Variants in ATRX observed in about 807,000 individuals in gnomAD.
ATRX encodes chromatin remodeler ATRX.
Under a neutral mutation model 172.6 loss-of-function variants are expected in ATRX, and 12 were observed. That is an observed-to-expected ratio of 0.07 (90% CI 0.04 to 0.11). The LOEUF (loss-of-function observed/expected upper bound fraction) is 0.11. ATRX is among the 10% of genes least tolerant of loss of function. The pLI, the probability that ATRX is intolerant of heterozygous loss-of-function variation, is 1.00. For missense variants in ATRX, 1,368 were observed against 1,767.4 expected (o/e 0.77, Z 4.05); for synonymous variants, 674 against 594.7 (o/e 1.13, Z -1.94).
At chrX:77,760,474 G>T (rs1168110898) in intron 1 of ATRX, among the ~76,000 whole-genome samples, 3 of 69,220 alleles carry the variant, frequency 4.3e-5, no homozygotes, top group Admixed American at 1.8e-4. Flanking sequence ...GGGGTGGGGG[G>T]AGGGGGGAGG....
At position 77,696,493 on chromosome X, in the gene ATRX, A is replaced by G. The variant is rs782197267; in HGVS notation, c.370+84T>C. Reference sequence around the variant, plus strand: ...ATGTTTGGTCGTTTGTACATAGTTAACAGTAATCAAGTTCCAATTTTATAA... The same window carrying G: ...ATGTTTGGTCGTTTGTACATAGTTAGCAGTAATCAAGTTCCAATTTTATAA... On this transcript the variant is annotated intron_variant, in intron 5 of 34. Transcript: ENST00000373344. The G allele has an allele frequency of 1.5e-5, 15 of 1,023,645 alleles. No homozygotes were observed. In the South Asian group the frequency reaches 2.9e-4, roughly 20 times the overall value. The allele number at this position is 1,023,645 out of a possible 1,213,427, so 84.4% of individuals were successfully genotyped here.
At chrX:77,694,140 T>C (rs782465588) in intron 5 of ATRX, among the ~76,000 whole-genome samples, 14 of 112,047 alleles carry the variant, frequency 1.2e-4, no homozygotes, top group Non-Finnish European at 1.9e-4. Context: ...TGTTGAAATA[T>C]AGTTCATAAA....
At chrX:77,737,196 G>A (rs782053147) in intron 1 of ATRX, among the ~76,000 whole-genome samples, 3 of 110,405 alleles carry the variant, frequency 2.7e-5, no homozygotes, top group East Asian at 2.9e-4. Flanking sequence ...AGGCCGCGGC[G>A]GGCGAACCAC....
intron 1 of ATRX, among the ~76,000 whole-genome samples, chrX:77,742,821 A>C (rs2074929616): frequency 9.0e-6 from 1 of 111,668 alleles, no homozygotes; most frequent in African/African-American, 3.3e-5. Context: ...AATCTAATTA[A>C]TTTAGGGAAT....
chrX:77,682,735 T>C lies in ATRX; in HGVS notation c.2521A>G (p.Ile841Val), dbSNP rs781978542. 9.1e-6 allele frequency: 11 copies of C among 1,208,344 alleles called. No homozygotes were observed. Among genetic ancestry groups the C allele is most frequent in the Non-Finnish European group, 1.1e-5 (10 of 894,872 alleles). The change falls in exon 9 of 35, where the codon ATT (isoleucine) becomes GTT (valine). Residue 841 changes from isoleucine (I) to valine (V), a missense_variant. Physicochemically the swap from Ile to Val is conservative, Grantham distance 29. Around this residue, in one of 17 missense-constraint regions of ATRX, gnomAD observed 843 missense variants for 643.1 expected, o/e 1.31. Coordinates refer to ENST00000373344, the MANE Select transcript of ATRX (RefSeq NM_000489.6). ...IGAARTTKKR[I>V]PNTKDFDSSE... ...GAGTCAAAATCTTTTGTATTTGGAATTCTTTTTTTGGTGGTTCTGGCAGCA... is the reference window on the plus strand; with the variant it reads ...GAGTCAAAATCTTTTGTATTTGGAACTCTTTTTTTGGTGGTTCTGGCAGCA...
chrX:77,737,700 G>A (rs1459991037), intron 1 of ATRX, among the ~76,000 whole-genome samples: 1 of 110,305 alleles, frequency 9.1e-6, no homozygotes, highest in Non-Finnish European at 1.9e-5. Flanking sequence ...GCCTGTCTCA[G>A]AATCTCATAA....
chrX:77,585,684 A>ACATATCTG (rs1469628861), intron 27 of ATRX, among the ~76,000 whole-genome samples: 1 of 106,065 alleles, frequency 9.4e-6, no homozygotes, highest in East Asian at 2.9e-4. Context: ...TATATCGAAG[A>ACATATCTG]CATATCTGCA....
intron 34 of ATRX, among the ~76,000 whole-genome samples, chrX:77,516,042 T>C (rs1026307422): frequency 9.0e-6 from 1 of 111,054 alleles, no homozygotes; most frequent in Non-Finnish European, 1.9e-5. Flanking sequence ...CATGAACACA[T>C]AGAGGGCAAT....
intron 15 of ATRX, among the ~76,000 whole-genome samples, chrX:77,637,223 C>T (rs929643124): frequency 6.3e-5 from 7 of 111,986 alleles, no homozygotes; most frequent in African/African-American, 2.3e-4. Context: ...GCTCAAAAAT[C>T]ATGATAGGAA....
chrX:77,688,740 G>C (rs2071719278), intron 7 of ATRX, 78 bp downstream of exon 7: 1 of 820,035 alleles, frequency 1.2e-6, no homozygotes. Context: ...CTTTCTTCAA[G>C]ACTGTGCCCT....
chrX:77,556,935 T>A (rs1429113966), intron 30 of ATRX, among the ~76,000 whole-genome samples: 1 of 112,014 alleles, frequency 8.9e-6, no homozygotes, highest in African/African-American at 3.2e-5. Flanking sequence ...CTCAGTTTCC[T>A]CATCTTGAAA....
chrX:77,652,238 T>C lies in ATRX; in HGVS notation c.4433A>G (p.Lys1478Arg), dbSNP rs1557117268. ...ATCTTTAAGAATCTTCCGAATTTTCTTTCTGCCTTTTCCAGGAGACTTGGA... is the reference window on the plus strand; with the variant it reads ...ATCTTTAAGAATCTTCCGAATTTTCCTTCTGCCTTTTCCAGGAGACTTGGA... ...DDSKSPGKGR[K>R]KIRKILKDDK... Residue 1478 changes from lysine (K) to arginine (R), a missense_variant, in exon 15 of 35, where the codon AAG becomes AGG. Lys to Arg is a conservative substitution (Grantham distance 26). This residue lies in a region of ATRX where 27 missense variants were observed against 110.8 expected (regional missense o/e 0.24). Coordinates refer to ENST00000373344, the MANE Select transcript of ATRX (RefSeq NM_000489.6). 7 of 1,210,769 alleles carry C rather than the reference T, an allele frequency of 5.8e-6. No homozygotes were observed. The highest frequency in any genetic ancestry group is 7.8e-6 in the Non-Finnish European group (7 of 895,481).
At chrX:77,697,676 G>A (rs782259068) in intron 3 of ATRX, 41 bp from the exon 4 acceptor site, 38 of 1,127,128 alleles carry the variant, frequency 3.4e-5, no homozygotes, top group South Asian at 3.1e-4. Context: ...TAAAATTCTC[G>A]AAACGGCATC....
chrX:77,559,430 G>A (rs1400841735), intron 28 of ATRX, among the ~76,000 whole-genome samples: 7 of 100,348 alleles, frequency 7.0e-5, no homozygotes, highest in Non-Finnish European at 1.4e-4. Flanking sequence ...GCATTTATAA[G>A]GTTTCTTTCT....
At chrX:77,747,690 T>C (rs1418218370) in intron 1 of ATRX, among the ~76,000 whole-genome samples, 2 of 111,558 alleles carry the variant, frequency 1.8e-5, no homozygotes, top group African/African-American at 3.3e-5. Flanking sequence ...CACAATCTAA[T>C]AGTAAAGACA....
rs1209728981 is a variant in ATRX, at chrX:77,627,798, T to G, written c.5134+5409A>C. On this transcript the variant is annotated intron_variant, in intron 19 of 34. Transcript: ENST00000373344. ...GGGAGGATCACTTGAGCCCAGGATT[T>G]GAAGCTACAGTGAGCTATAATCATG... Among the ~76,000 whole-genome samples the G allele has an allele frequency of 2.7e-5, 3 of 110,068 alleles. No individual in the cohort carries two copies. In the East Asian group the frequency reaches 8.4e-4, roughly 31 times the overall value.
chrX:77,548,909 C>A (rs1354615775), intron 30 of ATRX, among the ~76,000 whole-genome samples: 2 of 112,153 alleles, frequency 1.8e-5, no homozygotes, highest in African/African-American at 3.2e-5. Context: ...CCATTTTGTT[C>A]TCCCTGTAAT....
At chrX:77,510,556 G>T (rs1365901527) in intron 34 of ATRX, among the ~76,000 whole-genome samples, 2 of 108,193 alleles carry the variant, frequency 1.8e-5, no homozygotes, top group Non-Finnish European at 3.8e-5. Flanking sequence ...CTGGAGGGGA[G>T]CCCACTGCCC....
intron 1 of ATRX, among the ~76,000 whole-genome samples, chrX:77,742,471 A>AC (rs1432168348): frequency 1.8e-5 from 2 of 111,809 alleles, no homozygotes; most frequent in African/African-American, 6.5e-5. Context: ...GAACTGTGAG[A>AC]CCCTGGAGGA....
Sources: gnomAD v4.1 joint callset for allele counts (sites outside exome capture counted in the v4.1 genomes callset) on GRCh38, gnomAD v4.1.1 for gene constraint, gnomAD v4.1.1 regional missense constraint, MANE v1.5 for transcripts, NCBI Gene and HGNC (gene_info 2026-07-23, HGNC 2026-07-21) for gene names.